Variants in LIMA1 observed in about 807,000 individuals in gnomAD.
LIMA1 encodes LIM domain and actin-binding protein 1.
A neutral mutation model predicts 62.6 loss-of-function variants in LIMA1; 52 were observed. The ratio of observed to expected loss-of-function variants is 0.83; its 90% confidence interval spans 0.67 to 1.05. The LOEUF (loss-of-function observed/expected upper bound fraction) is 1.05. Among genes scored for constraint, LIMA1 ranks in the 50% least tolerant of loss-of-function variants. The probability of loss-of-function intolerance (pLI) is 0.00; values close to 1 mark genes in which losing one functional copy is unlikely to be tolerated. For synonymous variants in LIMA1, 302 were observed against 317.8 expected (o/e 0.95, Z 0.53); for missense variants, 780 against 902.2 (o/e 0.86, Z 1.74).
chr12:50,234,339 G>C (rs1941657552), intron 2 of LIMA1: 9 of 299,868 alleles, frequency 3.0e-5, no homozygotes, highest in South Asian at 2.4e-4. Flanking sequence ...CTCCCAAGTA[G>C]CTGGGATTAC....
intron 1 of LIMA1, among the ~76,000 whole-genome samples, chr12:50,257,130 G>A (rs537575534): frequency 2.6e-5 from 4 of 152,142 alleles, no homozygotes; most frequent in South Asian, 2.1e-4. Context: ...CTTGCTTATG[G>A]CAATTATTAC....
chr12:50,204,764 G>A, intron 5 of LIMA1, 64 bp from the exon 6 acceptor site: 1 of 1,522,804 alleles, frequency 6.6e-7, no homozygotes, highest in South Asian at 1.2e-5. Flanking sequence ...CTATCACCCA[G>A]GCTGAAGTGC....
intron 4 of LIMA1, among the ~76,000 whole-genome samples, chr12:50,211,185 T>C (rs1941249251): frequency 6.6e-6 from 1 of 151,804 alleles, no homozygotes; most frequent in Non-Finnish European, 1.5e-5. Context: ...TAGCCAGGCA[T>C]GGTGGTGGAC....
intron 4 of LIMA1, among the ~76,000 whole-genome samples, chr12:50,208,590 C>T (rs1260226883): frequency 2.0e-5 from 3 of 152,170 alleles, no homozygotes; most frequent in African/African-American, 4.8e-5. Context: ...GTGTATGTTG[C>T]AGTGAGCCAA....
chr12:50,273,622 TATA>T (rs1471683874), intron 1 of LIMA1, among the ~76,000 whole-genome samples: 1 of 152,242 alleles, frequency 6.6e-6, no homozygotes, highest in Non-Finnish European at 1.5e-5. Flanking sequence ...ACTAATTCAT[TATA>T]ATGTCTGGTT....
intron 4 of LIMA1, chr12:50,217,760 G>T: frequency 3.0e-6 from 1 of 336,712 alleles, no homozygotes; most frequent in Admixed American, 3.1e-5. Flanking sequence ...CCTGACTACC[G>T]TGCTGTGAAT....
chr12:50,192,593 A>T, intron 8 of LIMA1, 32 bp from the exon 9 acceptor site: 3 of 1,496,438 alleles, frequency 2.0e-6, no homozygotes, highest in Non-Finnish European at 2.8e-6. Flanking sequence ...GACATTTTAC[A>T]GTATCTCATG....
At position 50,204,532 on chromosome 12, in the gene LIMA1, G is replaced by A; in HGVS notation, c.864+20C>T. On this transcript the variant is annotated intron_variant, in intron 6 of 10. Transcript: ENST00000341247. ...TGGATGATGGAATGAATGAATGAAT[G>A]AATGATGCAGAACACATACTGTATA... 1.2e-6 allele frequency: 2 copies of A among 1,600,324 alleles called. No homozygotes were observed. The highest frequency in any genetic ancestry group is 1.7e-6 in the Non-Finnish European group (2 of 1,170,430).
At position 50,222,240 on chromosome 12, in the gene LIMA1, G is replaced by A. The variant is rs769930517; in HGVS notation, c.411C>T (p.Leu137=). The change falls in exon 4 of 11, where the codon CTC becomes CTT. Residue 137 remains leucine (L), a synonymous_variant. Transcript: ENST00000341247. ...RSRLRSPPEA[L]VQGRYPHIKD... ...TGATGTGGGGATATCGACCCTGAAC[G>A]AGGGCTTCAGGAGGTGACCTGAGTC... 4 of 1,614,128 alleles carry A rather than the reference G, an allele frequency of 2.5e-6. No individual in the cohort carries two copies. Among genetic ancestry groups the A allele is most frequent in the Admixed American group, 1.7e-5 (1 of 60,012 alleles).
intron 1 of LIMA1, among the ~76,000 whole-genome samples, chr12:50,269,815 G>C (rs1480843746): frequency 6.6e-6 from 1 of 150,442 alleles, no homozygotes. Context: ...AACTACTTGG[G>C]AGGCTAAGGC....
At chr12:50,238,167 AG>A (rs1941722900) in intron 2 of LIMA1, among the ~76,000 whole-genome samples, 1 of 152,198 alleles carries the variant, frequency 6.6e-6, no homozygotes, top group Admixed American at 6.5e-5. Context: ...CAACACCAAA[AG>A]CACAGGCACA....
At chr12:50,247,857 G>T (rs1418987884) in intron 2 of LIMA1, among the ~76,000 whole-genome samples, 1 of 152,016 alleles carries the variant, frequency 6.6e-6, no homozygotes, top group Non-Finnish European at 1.5e-5. Flanking sequence ...TTGAACTCCT[G>T]ACCTCAAGTG....
chr12:50,218,029 C>T (rs1034932152), intron 4 of LIMA1, among the ~76,000 whole-genome samples: 12 of 151,516 alleles, frequency 7.9e-5, no homozygotes, highest in South Asian at 2.1e-4. Context: ...CTCAGCCTCC[C>T]GAGTAGCTGG....
rs757048900 is a variant in LIMA1 at position 50,248,724 on chromosome 12, G to A, written c.28C>T (p.Gln10Ter). 4 of 1,610,004 alleles carry A rather than the reference G, an allele frequency of 2.5e-6. No homozygotes were observed. The highest frequency in any genetic ancestry group is 1.3e-5 in the African/African-American group (1 of 74,846). MESSPFNRR[Q>*]WTSLSLRVTA... Reference sequence around the variant, plus strand: ...ACCCTCAATGATAGTGAGGTCCATTGCCGTCTATTAAATGGAGATGATTCC... The same window carrying A: ...ACCCTCAATGATAGTGAGGTCCATTACCGTCTATTAAATGGAGATGATTCC... The change falls in exon 2 of 11, where the codon CAA becomes TAA. Residue 10 changes from glutamine (Q) to a stop codon, truncating the protein, a stop_gained. Coordinates refer to ENST00000341247, the MANE Select transcript of LIMA1 (RefSeq NM_016357.5). LOFTEE classifies it high-confidence loss of function.
chr12:50,198,004 T>A (rs985826751), intron 7 of LIMA1, among the ~76,000 whole-genome samples: 5 of 152,240 alleles, frequency 3.3e-5, no homozygotes, highest in African/African-American at 1.2e-4. Flanking sequence ...TATGGGGGAT[T>A]ATATGACCAT....
At chr12:50,261,042 A>ATATATTTTTTTTTTTTTT (rs1383547189) in intron 1 of LIMA1, among the ~76,000 whole-genome samples, 10 of 54,294 alleles carry the variant, frequency 1.8e-4, no homozygotes, top group African/African-American at 3.6e-4. Context: ...CATCTAGTAT[A>ATATATTTTTTTTTTTTTT]TTTTTTTTTT....
At chr12:50,261,190 C>T (rs1485465717) in intron 1 of LIMA1, among the ~76,000 whole-genome samples, 1 of 150,424 alleles carries the variant, frequency 6.6e-6, no homozygotes, top group Non-Finnish European at 1.5e-5. Flanking sequence ...GTAGCTGGGA[C>T]TACAGGTGCC....
At chr12:50,230,355 A>G (rs965013356) in intron 3 of LIMA1, among the ~76,000 whole-genome samples, 13 of 151,478 alleles carry the variant, frequency 8.6e-5, no homozygotes, top group African/African-American at 3.2e-4. Flanking sequence ...CAATTTCTTT[A>G]TTGTCTGTCT....
At chr12:50,210,467 G>A (rs1034873914) in intron 4 of LIMA1, among the ~76,000 whole-genome samples, 8 of 150,718 alleles carry the variant, frequency 5.3e-5, no homozygotes, top group African/African-American at 1.7e-4. Context: ...AAAAGGAAAC[G>A]GGTTCTGTGT....
Sources: gnomAD v4.1 joint callset for allele counts (sites outside exome capture counted in the v4.1 genomes callset) on GRCh38, gnomAD v4.1.1 for gene constraint, MANE v1.5 for transcripts, NCBI Gene and HGNC (gene_info 2026-07-23, HGNC 2026-07-21) for gene names.